Variants in RIMS1 observed in about 807,000 individuals in gnomAD.
RIMS1 encodes the protein regulating synaptic membrane exocytosis 1.
A neutral mutation model predicts 214.1 loss-of-function variants in RIMS1; 83 were observed. The observed-to-expected ratio is 0.39, with a 90% CI of 0.32 to 0.47. The LOEUF is 0.47. Among genes scored for constraint, RIMS1 ranks in the 20% least tolerant of loss-of-function variants. The pLI is 0.99. For synonymous variants in RIMS1, 793 were observed against 786.8 expected, an observed-to-expected ratio of 1.01 and a Z score of -0.13; for missense variants, 2,050 against 2,161.8, an observed-to-expected ratio of 0.95 and a Z score of 1.03.
chr6:72,239,901 C>T (rs985764312), intron 9 of RIMS1, among the ~76,000 whole-genome samples: 1 of 150,934 alleles, frequency 6.6e-6, no homozygotes, highest in Non-Finnish European at 1.5e-5. Context: ...TAGTTTTCTA[C>T]CACTCCTGTT....
intron 2 of RIMS1, among the ~76,000 whole-genome samples, chr6:72,083,112 T>C (rs1296217592): frequency 1.3e-5 from 2 of 152,132 alleles, no homozygotes; most frequent in Non-Finnish European, 1.5e-5. Context: ...AACTCACTAA[T>C]AAGAAGGATA....
rs79580811 is a variant in RIMS1 at position 71,887,420 on chromosome 6, A to G, written c.164+233A>G. 0.017 allele frequency among the ~76,000 whole-genome samples: 2,533 copies of G among 152,010 alleles called. 32 individuals carry two copies. Among genetic ancestry groups the G allele is most frequent in the Non-Finnish European group, 0.027 (1,832 of 67,958 alleles). On this transcript the variant is annotated intron_variant, in intron 1 of 33. Transcript: ENST00000521978. The stretch of plus-strand genomic sequence containing the variant: ...CCAGGAACCCAAAGGCCGGGGGAGG[A>G]TGACTTGAGACTGGGGTGCAGAGGA...
chr6:72,054,484 T>A (rs1031678182), intron 2 of RIMS1, among the ~76,000 whole-genome samples: 1 of 152,194 alleles, frequency 6.6e-6, no homozygotes, highest in Non-Finnish European at 1.5e-5. Flanking sequence ...TGGTTCTTGA[T>A]CCTTGAGGAA....
chr6:72,097,202 A>T (rs1348892841), intron 3 of RIMS1, 40 bp downstream of exon 3: 31 of 1,553,860 alleles, frequency 2.0e-5, no homozygotes, highest in Non-Finnish European at 2.6e-5. Context: ...GTGAATGTGG[A>T]TAAAAACTAT....
At chr6:71,899,149 G>A (rs1772798154) in intron 1 of RIMS1, among the ~76,000 whole-genome samples, 1 of 151,866 alleles carries the variant, frequency 6.6e-6, no homozygotes, top group Non-Finnish European at 1.5e-5. Context: ...TTTTATTTAA[G>A]CTGTATCAAC....
intron 2 of RIMS1, among the ~76,000 whole-genome samples, chr6:72,018,280 A>C (rs908155965): frequency 6.6e-6 from 1 of 152,182 alleles, no homozygotes; most frequent in African/African-American, 2.4e-5. Context: ...TAAAATATGG[A>C]GTGTAAGGAA....
chr6:72,149,980 CT>C (rs2043295079), intron 4 of RIMS1, among the ~76,000 whole-genome samples: 1 of 152,142 alleles, frequency 6.6e-6, no homozygotes, highest in Non-Finnish European at 1.5e-5. Flanking sequence ...CTCCCAAGTT[CT>C]TTTTCTGCAT....
chr6:72,301,035 C>T (rs2094554314), intron 26 of RIMS1, among the ~76,000 whole-genome samples: 1 of 151,672 alleles, frequency 6.6e-6, no homozygotes, highest in African/African-American at 2.4e-5. Context: ...ATGTGTTACT[C>T]ACTTATTGCA....
intron 4 of RIMS1, among the ~76,000 whole-genome samples, chr6:72,150,959 G>A (rs888291880): frequency 1.3e-5 from 2 of 152,194 alleles, no homozygotes; most frequent in African/African-American, 4.8e-5. Context: ...GGACCATGGT[G>A]ACAGTCATAA....
intron 26 of RIMS1, among the ~76,000 whole-genome samples, chr6:72,297,102 C>A (rs890569543): frequency 2.0e-5 from 3 of 151,720 alleles, no homozygotes; most frequent in Admixed American, 6.6e-5. Context: ...AGGCACTATA[C>A]ATATATATAT....
intron 2 of RIMS1, 107 bp downstream of exon 2, chr6:71,969,170 G>C: frequency 9.4e-7 from 1 of 1,061,526 alleles, no homozygotes; most frequent in Non-Finnish European, 1.5e-6. Context: ...GGCTGCTCTT[G>C]TATATGTAAC....
chr6:72,109,770 C>T (rs920214870), intron 4 of RIMS1, among the ~76,000 whole-genome samples: 1 of 152,144 alleles, frequency 6.6e-6, no homozygotes, highest in Admixed American at 6.5e-5. Context: ...ACATGAAGTC[C>T]TTGCCCATGC....
intron 1 of RIMS1, among the ~76,000 whole-genome samples, chr6:71,966,199 C>T (rs1794394815): frequency 6.6e-6 from 1 of 152,176 alleles, no homozygotes; most frequent in Non-Finnish European, 1.5e-5. Context: ...CTTCAAAATG[C>T]AGATTCAATA....
chr6:72,401,663 A>T lies in RIMS1; in HGVS notation c.*949A>T, dbSNP rs2098836108. Reference sequence around the variant, plus strand: ...TGATATTAAAAAAATGCTCATGTGTATAAACCATACTTTGACTTCCCAAAA... The same window carrying T: ...TGATATTAAAAAAATGCTCATGTGTTTAAACCATACTTTGACTTCCCAAAA... On this transcript the variant is annotated 3_prime_UTR_variant, in exon 34 of 34. Coordinates refer to ENST00000521978, the MANE Select transcript of RIMS1 (RefSeq NM_014989.7). 6.6e-6 allele frequency: 1 copy of T among 152,664 alleles called. No individual in the cohort carries two copies. Among genetic ancestry groups the T allele is most frequent in the Non-Finnish European group, 1.5e-5 (1 of 68,044 alleles). 9.5% of individuals were successfully genotyped at this position (152,664 alleles called of 1,614,324 possible). A position where few individuals can be genotyped will look rare whatever the true frequency, so the allele number is the denominator to read the frequency against.
chr6:71,977,591 C>A (rs376438712), intron 2 of RIMS1, among the ~76,000 whole-genome samples: 1 of 152,032 alleles, frequency 6.6e-6, no homozygotes, highest in African/African-American at 2.4e-5. Context: ...GAGAGCTACA[C>A]TGGGAAAACT....
chr6:72,163,797 GC>G (rs553818816), intron 4 of RIMS1, among the ~76,000 whole-genome samples: 126 of 4,538 alleles, frequency 0.028, 12 homozygotes, highest in East Asian at 0.5. Context: ...GCCCCTACTG[GC>G]TGGGGGGGGG....
Position 72,333,771 on chromosome 6 carries a change from T to C in RIMS1, c.4302T>C (p.Leu1434=), listed in dbSNP as rs372746045. 7 of 1,598,964 alleles carry C rather than the reference T, an allele frequency of 4.4e-6. No homozygotes were observed. Among genetic ancestry groups the C allele is most frequent in the African/African-American group, 1.3e-5 (1 of 74,564 alleles). The change falls in exon 29 of 34, where the codon CTT becomes CTC. Residue 1434 remains leucine, a synonymous_variant. Transcript: ENST00000521978. ...GTGGAAAGAAACGGAGATCCAGCCT[T>C]AGTGCCAAAGTGGTTGCCATAGTGT... is the stretch of plus-strand genomic sequence containing the variant. ...GAGGKKRRSS[L]SAKVVAIVSR...
At chr6:71,904,525 T>C (rs890925858) in intron 1 of RIMS1, among the ~76,000 whole-genome samples, 3 of 152,120 alleles carry the variant, frequency 2.0e-5, no homozygotes, top group African/African-American at 4.8e-5. Context: ...GGAAGTCTGA[T>C]AGCTAATAGC....
At chr6:72,369,020 C>T (rs1009106623) in intron 29 of RIMS1, among the ~76,000 whole-genome samples, 1 of 149,944 alleles carries the variant, frequency 6.7e-6, no homozygotes, top group African/African-American at 2.5e-5. Flanking sequence ...TTGGTTGGAG[C>T]AGAGGGTTGC....
Sources: allele counts gnomAD v4.1 joint callset (sites outside exome capture counted in the v4.1 genomes callset), GRCh38; gene constraint gnomAD v4.1.1; transcripts MANE v1.5; gene names NCBI Gene and HGNC (gene_info 2026-07-23, HGNC 2026-07-21).